The following TOP6BL variants were observed in gnomAD, a reference collection of about 807,000 sequenced individuals.
The protein encoded by TOP6BL is type 2 DNA topoisomerase 6 subunit B-like.
the TOP6BL span, among the ~76,000 whole-genome samples, chr11:66,775,112 C>CAAA: frequency 0.012 from 682 of 57,346 alleles, 26 homozygotes; most frequent in African/African-American, 0.044. Context: ...GACTCTGTCT[C>CAAA]AAAAAAAAAA....
the TOP6BL span, chr11:66,762,314 G>A: frequency 1.1e-4 from 44 of 414,562 alleles, no homozygotes; most frequent in South Asian, 9.2e-4. Context: ...AGGAGCTGCC[G>A]GAAAGGCGGG....
chr11:66,835,563 G>C, the TOP6BL span, among the ~76,000 whole-genome samples: 1 of 152,148 alleles, frequency 6.6e-6, no homozygotes, highest in Non-Finnish European at 1.5e-5. Context: ...TATTCGCAGT[G>C]AGTCCCAGTT....
At chr11:66,842,659 A>G in the TOP6BL span, among the ~76,000 whole-genome samples, 1 of 152,050 alleles carries the variant, frequency 6.6e-6, no homozygotes, top group Non-Finnish European at 1.5e-5. Context: ...GAGACCCTGA[A>G]ACGTCTCTGC....
the TOP6BL span, among the ~76,000 whole-genome samples, chr11:66,752,888 G>T: frequency 6.6e-6 from 1 of 152,140 alleles, no homozygotes; most frequent in Non-Finnish European, 1.5e-5. Context: ...TAGCACTTTG[G>T]GAGGGTGAGG....
the TOP6BL span, chr11:66,800,645 G>C: frequency 3.1e-6 from 5 of 1,600,800 alleles, no homozygotes; most frequent in Non-Finnish European, 4.3e-6. Flanking sequence ...TTGCAGGTCA[G>C]ATTTCATTTC....
the TOP6BL span, among the ~76,000 whole-genome samples, chr11:66,747,562 T>C: frequency 1.3e-5 from 2 of 151,828 alleles, no homozygotes; most frequent in African/African-American, 4.8e-5. Context: ...GTGGTAGTTT[T>C]ATCCCCATTT....
At chr11:66,774,464 T>A in the TOP6BL span, among the ~76,000 whole-genome samples, 1 of 152,138 alleles carries the variant, frequency 6.6e-6, no homozygotes, top group Non-Finnish European at 1.5e-5. Context: ...TTGTTTTGTT[T>A]TGTGCTTTTG....
At chr11:66,767,201 T>G in the TOP6BL span, among the ~76,000 whole-genome samples, 1 of 152,222 alleles carries the variant, frequency 6.6e-6, no homozygotes, top group African/African-American at 2.4e-5. Flanking sequence ...AGTTCTTATG[T>G]GTTTAAAAAA....
the TOP6BL span, among the ~76,000 whole-genome samples, chr11:66,779,195 G>A: frequency 6.6e-6 from 1 of 152,142 alleles, no homozygotes; most frequent in African/African-American, 2.4e-5. Flanking sequence ...CTTCTGCACA[G>A]CAAAAGAAAC....
the TOP6BL span, chr11:66,813,770 G>C: frequency 3.4e-6 from 4 of 1,171,136 alleles, no homozygotes; most frequent in Non-Finnish European, 4.9e-6. Flanking sequence ...CACACTTATG[G>C]GAGTGTAAAC....
the TOP6BL span, among the ~76,000 whole-genome samples, chr11:66,826,512 T>A: frequency 6.6e-6 from 1 of 152,172 alleles, no homozygotes; most frequent in African/African-American, 2.4e-5. Context: ...TATAACACAT[T>A]TATAAGCTAG....
At chr11:66,752,799 A>C in the TOP6BL span, among the ~76,000 whole-genome samples, 11 of 152,238 alleles carry the variant, frequency 7.2e-5, no homozygotes, top group Admixed American at 6.5e-4. Flanking sequence ...TATTAATTAC[A>C]GTAAATAAGG....
At chr11:66,839,045 T>C in the TOP6BL span, 1 of 448,792 alleles carries the variant, frequency 2.2e-6, no homozygotes. Flanking sequence ...ACCATGTCAC[T>C]CTTAATGTGT....
chr11:66,769,931 G>C, the TOP6BL span, among the ~76,000 whole-genome samples: 59 of 151,588 alleles, frequency 3.9e-4, no homozygotes, highest in African/African-American at 1.4e-3. Flanking sequence ...ATTTTTAGTA[G>C]AAATGGGGTT....
chr11:66,821,800 T>A, the TOP6BL span: 2 of 1,606,154 alleles, frequency 1.2e-6, no homozygotes, highest in Non-Finnish European at 8.5e-7. Flanking sequence ...TCTCCTATTC[T>A]CTAAGAAAAA....
At chr11:66,773,684 A>G in the TOP6BL span, among the ~76,000 whole-genome samples, 7 of 152,118 alleles carry the variant, frequency 4.6e-5, no homozygotes, top group Admixed American at 2.0e-4. Context: ...GAAAGCTGCA[A>G]TCATTGATTA....
the TOP6BL span, among the ~76,000 whole-genome samples, chr11:66,826,833 C>T: frequency 7.4e-6 from 1 of 135,934 alleles, no homozygotes; most frequent in African/African-American, 2.8e-5. Flanking sequence ...CAGGCATGTG[C>T]CACCACCCCT....
chr11:66,816,087 A>G, the TOP6BL span: 1 of 1,604,770 alleles, frequency 6.2e-7, no homozygotes, highest in South Asian at 1.1e-5. Flanking sequence ...ATCAGGTGGA[A>G]TCCAGTGAGG....
At chr11:66,810,215 G>T in the TOP6BL span, among the ~76,000 whole-genome samples, 3 of 152,092 alleles carry the variant, frequency 2.0e-5, no homozygotes, top group South Asian at 6.2e-4. Flanking sequence ...AAAGGTGAAA[G>T]AATTTATCAC....
Sources: allele counts gnomAD v4.1 joint callset (sites outside exome capture counted in the v4.1 genomes callset), GRCh38; gene constraint gnomAD v4.1.1; transcripts MANE v1.5; gene names NCBI Gene and HGNC (gene_info 2026-07-23, HGNC 2026-07-21).